FHAD1: variants seen among roughly 807,000 people sequenced by gnomAD.
The protein encoded by FHAD1 is forkhead-associated domain-containing protein 1.
In FHAD1, 146 loss-of-function variants were observed where a neutral mutation model predicts 191.3. That is an observed-to-expected ratio of 0.76 (90% CI 0.67 to 0.88). FHAD1 has a LOEUF of 0.88. Ranked by LOEUF, FHAD1 falls within the 40% of genes least tolerant of loss-of-function variation. The probability of loss-of-function intolerance (pLI) is 0.00; values close to 1 mark genes in which losing one functional copy is unlikely to be tolerated. For synonymous variants in FHAD1, 616 were observed against 672.3 expected (o/e 0.92, Z 1.29); for missense variants, 1,635 against 1,785.8 (o/e 0.92, Z 1.52).
At chr1:15,384,561 A>C (rs1232713350) in intron 31 of FHAD1, 1 of 152,278 alleles carries the variant, frequency 6.6e-6, no homozygotes, top group African/African-American at 2.4e-5. Context: ...GCAGATTTAC[A>C]TAATCAGTCC....
In FHAD1 at chr1:15,281,760, C is replaced by CAAA. The variant is rs35950054; in HGVS notation, c.301-7617_301-7615dup. On this transcript the variant is annotated intron_variant, in intron 3 of 33. Transcript: ENST00000688493. ...TGGGTGACAGAGTGAGACACTGTCT[C>CAAA]AAAAAAAAAAAAAAAAAAAAAAAAG... Among the ~76,000 whole-genome samples the CAAA allele has an allele frequency of 4.6e-3, 298 of 64,388 alleles. 7 individuals carry two copies. The East Asian group carries it at 0.087, about 19-fold the overall frequency. The allele number at this position is 64,388 out of a possible 152,430, so 42.2% of individuals were successfully genotyped here. A position where few individuals can be genotyped will look rare whatever the true frequency, so the allele number is the denominator to read the frequency against.
intron 6 of FHAD1, among the ~76,000 whole-genome samples, chr1:15,305,345 C>A (rs966500938): frequency 6.6e-6 from 1 of 152,166 alleles, no homozygotes; most frequent in Admixed American, 6.5e-5. Context: ...TTGCAGATGG[C>A]AGTCTGGCTC....
In FHAD1 at chr1:15,312,904, A is replaced by G. The variant is rs868678165; in HGVS notation, c.1040-153A>G. Among the ~76,000 whole-genome samples, 24 of 152,330 alleles carry G rather than the reference A, an allele frequency of 1.6e-4. No individual in the cohort carries two copies. The highest frequency in any genetic ancestry group is 5.5e-4 in the African/African-American group (23 of 41,590). On this transcript the variant is annotated intron_variant, in intron 7 of 33. Coordinates refer to ENST00000688493, the MANE Select transcript of FHAD1 (RefSeq NM_001391957.1). This position sits in a 1 kb window ranked among gnomAD's most constrained non-coding sequence, Gnocchi z 4.7. ...CTGGGACCTTGAACAAATGATGTGC[A>G]GTGGATATTGGTCTCAACCCCATTC... is the stretch of plus-strand genomic sequence containing the variant.
chr1:15,260,443 G>A (rs1340495533), intron 2 of FHAD1, among the ~76,000 whole-genome samples: 2 of 152,224 alleles, frequency 1.3e-5, no homozygotes, highest in African/African-American at 4.8e-5. Context: ...AGAAGTCTGA[G>A]TGGACTCAGC....
Position 15,316,963 on chromosome 1 carries a change from A to G in FHAD1, c.1260+496A>G, listed in dbSNP as rs907286149. On this transcript the variant is annotated intron_variant, in intron 9 of 33. Coordinates refer to ENST00000688493, the MANE Select transcript of FHAD1 (RefSeq NM_001391957.1). This position sits in a 1 kb window ranked among gnomAD's most constrained non-coding sequence, Gnocchi z 4.3. ...CACTTTGGGAGGCCAAGGTGGGTGG[A>G]TTGCCTGAGCTCAGAGGTTCTAGAC... Among the ~76,000 whole-genome samples the G allele has an allele frequency of 3.3e-5, 5 of 152,192 alleles. No individual in the cohort carries two copies. The highest frequency in any genetic ancestry group is 7.3e-5 in the Non-Finnish European group (5 of 68,030).
At chr1:15,323,445 A>T (rs971547800) in intron 10 of FHAD1, among the ~76,000 whole-genome samples, 2 of 152,208 alleles carry the variant, frequency 1.3e-5, no homozygotes, top group African/African-American at 4.8e-5. Context: ...CAGCGAGCTT[A>T]GCCGGCCTTC....
intron 2 of FHAD1, among the ~76,000 whole-genome samples, chr1:15,263,520 T>C (rs1210728628): frequency 1.7e-5 from 2 of 114,750 alleles, no homozygotes; most frequent in East Asian, 3.6e-4. Flanking sequence ...CTTTTTTTTT[T>C]TTTTTTTTTT....
At chr1:15,319,094 T>G (rs1015443106) in intron 10 of FHAD1, among the ~76,000 whole-genome samples, 3 of 152,126 alleles carry the variant, frequency 2.0e-5, no homozygotes, top group African/African-American at 7.2e-5. Context: ...CCTCCCAAAG[T>G]GCTGGGATTA....
chr1:15,380,681 T>C lies in FHAD1; in HGVS notation c.3706-20T>C. The C allele has an allele frequency of 6.5e-7, 1 of 1,545,822 alleles. No homozygotes were observed. The highest frequency in any genetic ancestry group is 1.2e-5 in the South Asian group (1 of 83,946). ...ATAATGGAATGTCAAGAGAGGCCTT[T>C]CATTTCTTTCTGATTTCAGCCTCAG... On this transcript the variant is annotated intron_variant, in intron 28 of 33. Transcript: ENST00000688493.
At chr1:15,249,520 C>T (rs1372060414) in intron 1 of FHAD1, among the ~76,000 whole-genome samples, 2 of 152,106 alleles carry the variant, frequency 1.3e-5, no homozygotes, top group Non-Finnish European at 2.9e-5. Context: ...CTTTTTATCC[C>T]TATTAAAGAC....
chr1:15,362,584 G>T (rs1394478504), intron 22 of FHAD1, 58 bp from the exon 23 acceptor site: 1 of 1,403,114 alleles, frequency 7.1e-7, no homozygotes, highest in Non-Finnish European at 9.9e-7. Flanking sequence ...AGGTGTGCTT[G>T]TAAGCAAAGG....
At chr1:15,294,970 G>A (rs1318366642) in intron 4 of FHAD1, among the ~76,000 whole-genome samples, 2 of 152,288 alleles carry the variant, frequency 1.3e-5, no homozygotes, top group East Asian at 1.9e-4. Flanking sequence ...ATGGAAATGC[G>A]TGGGGTGATT....
intron 2 of FHAD1, among the ~76,000 whole-genome samples, chr1:15,256,959 G>A (rs1648487566): frequency 1.3e-5 from 2 of 152,158 alleles, no homozygotes; most frequent in South Asian, 4.1e-4. Context: ...TCTCATATGG[G>A]ATCAGAGGGT....
At chr1:15,364,431 G>T (rs1462571754) in intron 23 of FHAD1, 1 of 152,198 alleles carries the variant, frequency 6.6e-6, no homozygotes, top group Non-Finnish European at 1.5e-5. Context: ...CCAACATGGT[G>T]AAACCCCGTC....
chr1:15,365,615 C>T (rs2102745065), intron 23 of FHAD1, among the ~76,000 whole-genome samples: 1 of 151,732 alleles, frequency 6.6e-6, no homozygotes, highest in Middle Eastern at 3.4e-3. Flanking sequence ...ATGCCTGGTG[C>T]CTGGCCTTAA....
intron 1 of FHAD1, among the ~76,000 whole-genome samples, chr1:15,242,061 C>T (rs539687716): frequency 1.3e-5 from 2 of 151,968 alleles, no homozygotes; most frequent in African/African-American, 4.8e-5. Context: ...GGTGAAACCC[C>T]GTCTCTACTA....
At chr1:15,332,298 C>T (rs7537166) in intron 14 of FHAD1, among the ~76,000 whole-genome samples, 49,161 of 152,060 alleles carry the variant, frequency 0.32, 8,259 homozygotes, top group African/African-American at 0.38. Flanking sequence ...AGACCATGAT[C>T]TCCATCCTGG....
Position 15,381,546 on chromosome 1 carries a change from G to A in FHAD1, c.4022+95G>A, listed in dbSNP as rs1365440571. ...CAGCAGACCTCTAGGCCTGGGACAGGAGGACAGAGACCCACGTGTGGAATA... is the reference window on the plus strand; with the variant it reads ...CAGCAGACCTCTAGGCCTGGGACAGAAGGACAGAGACCCACGTGTGGAATA... On this transcript the variant is annotated intron_variant, in intron 30 of 33. Coordinates refer to ENST00000688493, the MANE Select transcript of FHAD1 (RefSeq NM_001391957.1). This position sits in a 1 kb window ranked among gnomAD's most constrained non-coding sequence, Gnocchi z 4.6. 3 of 942,962 alleles carry A rather than the reference G, an allele frequency of 3.2e-6. No homozygotes were observed. Among genetic ancestry groups the A allele is most frequent in the African/African-American group, 3.3e-5 (2 of 60,140 alleles). 58.4% of individuals were successfully genotyped at this position (942,962 alleles called of 1,614,324 possible). A position where few individuals can be genotyped will look rare whatever the true frequency, so the allele number is the denominator to read the frequency against.
chr1:15,301,091 T>C (rs574342988), intron 5 of FHAD1, 114 bp from the exon 6 acceptor site: 2 of 843,526 alleles, frequency 2.4e-6, no homozygotes, highest in Non-Finnish European at 3.6e-6. Context: ...TGGCCTCCCA[T>C]AGTGCTAGGA....
Sources: gnomAD v4.1 joint callset for allele counts (sites outside exome capture counted in the v4.1 genomes callset) on GRCh38, gnomAD v4.1.1 for gene constraint, Gnocchi (gnomAD v3.1) non-coding constraint, MANE v1.5 for transcripts, NCBI Gene and HGNC (gene_info 2026-07-23, HGNC 2026-07-21) for gene names.